The following KLF17 variants were observed in gnomAD, a reference collection of about 807,000 sequenced individuals.
The protein encoded by KLF17 is Krueppel-like factor 17.
KLF17 carries 31 observed loss-of-function variants against 34.2 expected under a neutral mutation model. The ratio of observed to expected loss-of-function variants is 0.91; its 90% CI spans 0.68 to 1.22. The LOEUF (loss-of-function observed/expected upper bound fraction) is 1.22. KLF17 is among the 50% of genes most tolerant of loss of function. The pLI, the probability that KLF17 is intolerant of heterozygous loss-of-function variation, is 0.00. For missense variants in KLF17, 478 were observed against 505.2 expected, an observed-to-expected ratio of 0.95 and a Z score of 0.52; for synonymous variants, 179 against 186.7, an observed-to-expected ratio of 0.96 and a Z score of 0.34.
chr1:44,099,829 GAAA>G, the KLF17 span, among the ~76,000 whole-genome samples: 1 of 6,828 alleles, frequency 1.5e-4, no homozygotes, highest in African/African-American at 1.1e-3. Flanking sequence ...AGAAAAAGAA[GAAA>G]GAAAGAAAGA....
the KLF17 span, among the ~76,000 whole-genome samples, chr1:44,074,607 C>T: frequency 6.6e-6 from 1 of 152,246 alleles, no homozygotes; most frequent in East Asian, 1.9e-4. Flanking sequence ...CTTCTTCTCA[C>T]TTAGTGACTT....
the KLF17 span, among the ~76,000 whole-genome samples, chr1:44,086,360 G>T: frequency 6.6e-6 from 1 of 152,228 alleles, no homozygotes; most frequent in African/African-American, 2.4e-5. Context: ...CGGCTACTCG[G>T]GAGGCTGAGG....
chr1:44,055,733 C>A, the KLF17 span, among the ~76,000 whole-genome samples: 152 of 152,328 alleles, frequency 1.0e-3, 1 homozygote, highest in South Asian at 1.7e-3. Flanking sequence ...GTGGAAGACA[C>A]AATATCCTTT....
the KLF17 span, among the ~76,000 whole-genome samples, chr1:44,052,517 C>T: frequency 6.6e-6 from 1 of 152,240 alleles, no homozygotes; most frequent in Non-Finnish European, 1.5e-5. Context: ...TCTTCCCTTC[C>T]ACTGTCACCA....
At chr1:44,092,971 C>T in the KLF17 span, among the ~76,000 whole-genome samples, 1 of 152,132 alleles carries the variant, frequency 6.6e-6, no homozygotes, top group Admixed American at 6.5e-5. Flanking sequence ...TAAGAGTTCA[C>T]TGAACTCAGG....
chr1:44,119,449 G>C (rs1174830933), intron 1 of KLF17, among the ~76,000 whole-genome samples: 1 of 151,038 alleles, frequency 6.6e-6, no homozygotes, highest in Non-Finnish European at 1.5e-5. Flanking sequence ...GCCCTACTAA[G>C]TGGTAGGCTT....
upstream of KLF17, chr1:44,115,450 C>CAAAAAAA (rs34620805): frequency 2.7e-5 from 2 of 74,666 alleles, no homozygotes; most frequent in South Asian, 5.0e-4. Flanking sequence ...GACTCTGTGT[C>CAAAAAAA]AAAAAAAAAA....
the KLF17 span, among the ~76,000 whole-genome samples, chr1:44,060,345 G>A: frequency 2.0e-4 from 31 of 152,108 alleles, no homozygotes; most frequent in African/African-American, 7.5e-4. Context: ...GCGAGTACCT[G>A]TAATCCCAGC....
At position 44,122,922 on chromosome 1, in the gene KLF17, CCATT is replaced by C. The variant is rs531450274; in HGVS notation, c.81+3940_81+3943del. The stretch of plus-strand genomic sequence containing the variant: ...CAGCAAAATAAATTTTCTAATTCCA[CCATT>C]CATTCTACATTTATTAGTTTGTATT... On this transcript the variant is annotated intron_variant, in intron 1 of 3. Transcript: ENST00000372299. 2.9e-3 allele frequency among the ~76,000 whole-genome samples: 442 copies of C among 152,290 alleles called. 1 individual carries two copies. Among genetic ancestry groups the C allele is most frequent in the African/African-American group, 9.9e-3 (412 of 41,564 alleles).
At chr1:44,058,533 C>T in the KLF17 span, among the ~76,000 whole-genome samples, 5,540 of 152,164 alleles carry the variant, frequency 0.036, 333 homozygotes, top group African/African-American at 0.13. Context: ...TTGTGATCCA[C>T]CCACCTTGGC....
chr1:44,072,250 G>A, the KLF17 span, among the ~76,000 whole-genome samples: 1 of 152,058 alleles, frequency 6.6e-6, no homozygotes, highest in Non-Finnish European at 1.5e-5. Context: ...TGTGGGTTTG[G>A]GTGGGAAGAC....
the KLF17 span, among the ~76,000 whole-genome samples, chr1:44,067,830 C>A: frequency 6.6e-6 from 1 of 151,110 alleles, no homozygotes; most frequent in African/African-American, 2.4e-5. Context: ...TGGGGATAAC[C>A]TGGGGCCAGA....
the KLF17 span, among the ~76,000 whole-genome samples, chr1:44,048,902 G>C: frequency 2.0e-5 from 3 of 152,208 alleles, no homozygotes; most frequent in African/African-American, 7.2e-5. Flanking sequence ...GCAGAAAAAT[G>C]CATTAATCAT....
the KLF17 span, among the ~76,000 whole-genome samples, chr1:44,080,331 C>T: frequency 1.5e-4 from 22 of 151,242 alleles, no homozygotes; most frequent in Non-Finnish European, 2.5e-4. Context: ...CCCCGCCTCC[C>T]GGGTTCACAC....
At chr1:44,105,694 A>G in the KLF17 span, among the ~76,000 whole-genome samples, 1 of 152,098 alleles carries the variant, frequency 6.6e-6, no homozygotes, top group African/African-American at 2.4e-5. Flanking sequence ...TTCTAGAACA[A>G]TGCTTCTTAA....
chr1:44,072,525 A>AAAAT, the KLF17 span, among the ~76,000 whole-genome samples: 5,651 of 150,734 alleles, frequency 0.037, 150 homozygotes, highest in African/African-American at 0.065. Flanking sequence ...TGTCTCTACA[A>AAAAT]AAATAAATAA....
At chr1:44,076,632 G>A in the KLF17 span, 2 of 152,098 alleles carry the variant, frequency 1.3e-5, no homozygotes, top group African/African-American at 4.8e-5. Flanking sequence ...TATGAATGGG[G>A]TTGGCTAACT....
At chr1:44,080,334 G>C in the KLF17 span, among the ~76,000 whole-genome samples, 2 of 151,126 alleles carry the variant, frequency 1.3e-5, no homozygotes, top group South Asian at 4.2e-4. Context: ...CGCCTCCCGG[G>C]TTCACACCGT....
chr1:44,117,112 A>T (rs1447006290), upstream of KLF17: 1 of 151,854 alleles, frequency 6.6e-6, no homozygotes, highest in African/African-American at 2.4e-5. Context: ...ATGGGATCTC[A>T]CTATGTTGCC....
Sources: allele counts gnomAD v4.1 joint callset (sites outside exome capture counted in the v4.1 genomes callset), GRCh38; gene constraint gnomAD v4.1.1; transcripts MANE v1.5; gene names NCBI Gene and HGNC (gene_info 2026-07-23, HGNC 2026-07-21).